Variants in SPTLC3 observed in about 807,000 individuals in gnomAD.
The protein encoded by SPTLC3 is serine palmitoyltransferase 3.
A neutral mutation model predicts 59.3 loss-of-function variants in SPTLC3; 36 were observed. The observed-to-expected ratio is 0.61, with a 90% CI of 0.47 to 0.80. The LOEUF (loss-of-function observed/expected upper bound fraction) is 0.80, where lower values mean the gene tolerates loss of function less well. SPTLC3 is among the 30% of genes least tolerant of loss of function. The pLI is 0.00. For missense variants in SPTLC3, 625 were observed against 685.1 expected, an observed-to-expected ratio of 0.91 and a Z score of 0.98; for synonymous variants, 257 against 240.8, an observed-to-expected ratio of 1.07 and a Z score of -0.62.
intron 2 of SPTLC3, among the ~76,000 whole-genome samples, chr20:13,054,798 T>C (rs1987648704): frequency 6.6e-6 from 1 of 152,178 alleles, no homozygotes; most frequent in Non-Finnish European, 1.5e-5. Flanking sequence ...CTTCAGTTTA[T>C]CTTCAGCATG....
chr20:13,009,462 T>C, intron 1 of SPTLC3, 78 bp downstream of exon 1: 2 of 1,324,492 alleles, frequency 1.5e-6, no homozygotes, highest in South Asian at 1.3e-5. Flanking sequence ...TTTGAGGCTG[T>C]CCTAACTTAG....
At chr20:13,104,398 G>A (rs968059323) in intron 6 of SPTLC3, among the ~76,000 whole-genome samples, 2 of 152,122 alleles carry the variant, frequency 1.3e-5, no homozygotes, top group African/African-American at 4.8e-5. Flanking sequence ...GTGTTATAAA[G>A]GTTTTCCCCT....
Position 13,093,707 on chromosome 20 carries a change from C to T in SPTLC3, c.826+130C>T. ...CATGAAACACAATTATGTTTATATT[C>T]ACTCCTGGCTTGTTAACCTCTGGTG... On this transcript the variant is annotated intron_variant, in intron 6 of 11. Transcript: ENST00000399002. The T allele has an allele frequency of 1.3e-5, 10 of 760,306 alleles. No homozygotes were observed. In the South Asian group the frequency reaches 1.9e-4, roughly 15 times the overall value. 47.1% of individuals were successfully genotyped at this position (760,306 alleles called of 1,614,324 possible).
rs778586668 is a variant in SPTLC3, at chr20:13,027,637, GCACGCACA to G, written c.117+18257_117+18264del. ...CTCTGTTCTTCAGTAATCTATTTCA[GCACGCACA>G]CACACACACACACACACACACACAC... On this transcript the variant is annotated intron_variant, in intron 1 of 11. Transcript: ENST00000399002. Among the ~76,000 whole-genome samples, 232 of 71,532 alleles carry G rather than the reference GCACGCACA, an allele frequency of 3.2e-3. 3 individuals are homozygous for G. Among genetic ancestry groups the G allele is most frequent in the African/African-American group, 8.3e-3 (204 of 24,670 alleles). The allele number at this position is 71,532 out of a possible 152,430, so 46.9% of individuals were successfully genotyped here. A position where few individuals can be genotyped will look rare whatever the true frequency, so the allele number is the denominator to read the frequency against.
At chr20:13,100,709 T>C (rs985788683) in intron 6 of SPTLC3, among the ~76,000 whole-genome samples, 1 of 152,236 alleles carries the variant, frequency 6.6e-6, no homozygotes, top group Admixed American at 6.5e-5. Flanking sequence ...GGTATTAAGT[T>C]CTTAGCTAAC....
chr20:13,026,980 C>T (rs192862230), intron 1 of SPTLC3, among the ~76,000 whole-genome samples: 108 of 152,218 alleles, frequency 7.1e-4, no homozygotes, highest in African/African-American at 2.3e-3. Flanking sequence ...CCTCATCCTT[C>T]GGGAAAGATA....
intron 4 of SPTLC3, among the ~76,000 whole-genome samples, chr20:13,078,384 G>C (rs1399631401): frequency 6.6e-6 from 1 of 151,350 alleles, no homozygotes; most frequent in East Asian, 1.9e-4. Context: ...TATCTTCATA[G>C]ATGCTGCTAA....
At chr20:13,012,474 C>T (rs1162369619) in intron 1 of SPTLC3, among the ~76,000 whole-genome samples, 1 of 152,108 alleles carries the variant, frequency 6.6e-6, no homozygotes, top group Non-Finnish European at 1.5e-5. Context: ...CTTATATCAA[C>T]ATTAAAATAA....
At chr20:13,044,139 A>G (rs6041801) in intron 1 of SPTLC3, among the ~76,000 whole-genome samples, 23,704 of 146,278 alleles carry the variant, frequency 0.16, 1,944 homozygotes, top group Middle Eastern at 0.22. Flanking sequence ...TTGCTCTGTC[A>G]CCCAGACTGG....
intron 2 of SPTLC3, among the ~76,000 whole-genome samples, chr20:13,065,547 C>A (rs1346365919): frequency 2.0e-5 from 3 of 151,696 alleles, no homozygotes; most frequent in African/African-American, 7.3e-5. Flanking sequence ...TTATTTAAAC[C>A]ATATGAAATT....
At chr20:13,163,900 T>C (rs924473358) in intron 11 of SPTLC3, among the ~76,000 whole-genome samples, 1 of 152,208 alleles carries the variant, frequency 6.6e-6, no homozygotes, top group Non-Finnish European at 1.5e-5. Flanking sequence ...AAATGACCTT[T>C]TTTTTATTTT....
intron 1 of SPTLC3, among the ~76,000 whole-genome samples, chr20:13,043,535 G>T: frequency 6.6e-6 from 1 of 152,150 alleles, no homozygotes; most frequent in East Asian, 1.9e-4. Context: ...AGAAGTGACT[G>T]CATCACACAT....
chr20:13,103,785 A>G (rs545245756), intron 6 of SPTLC3, among the ~76,000 whole-genome samples: 1 of 152,356 alleles, frequency 6.6e-6, no homozygotes, highest in East Asian at 1.9e-4. Context: ...CCACAGCTGC[A>G]CAAGAGAAGA....
chr20:13,150,230 G>T (rs140456084), intron 9 of SPTLC3, among the ~76,000 whole-genome samples: 1 of 152,030 alleles, frequency 6.6e-6, no homozygotes, highest in Non-Finnish European at 1.5e-5. Context: ...CTTAAGTAAG[G>T]CAAATATTCT....
At chr20:13,153,964 T>C (rs2122961715) in intron 9 of SPTLC3, 39 bp from the exon 10 acceptor site, 1 of 1,607,596 alleles carries the variant, frequency 6.2e-7, no homozygotes, top group African/African-American at 1.3e-5. Flanking sequence ...TCCCTCTTTC[T>C]AGTGGGAATT....
chr20:13,098,766 T>C (rs1989506826), intron 6 of SPTLC3, among the ~76,000 whole-genome samples: 1 of 152,170 alleles, frequency 6.6e-6, no homozygotes, highest in Non-Finnish European at 1.5e-5. Context: ...CTGTGAAGAA[T>C]TCCATGAGGT....
chr20:13,036,294 C>T (rs1352855025), intron 1 of SPTLC3, among the ~76,000 whole-genome samples: 7 of 151,814 alleles, frequency 4.6e-5, no homozygotes, highest in Admixed American at 3.3e-4. Flanking sequence ...CCTTCCTTTC[C>T]ACCTCATCCA....
At chr20:13,158,408 C>T (rs1487447083) in intron 10 of SPTLC3, among the ~76,000 whole-genome samples, 1 of 152,118 alleles carries the variant, frequency 6.6e-6, no homozygotes, top group African/African-American at 2.4e-5. Context: ...ATATATTTTG[C>T]CCTGCATTCT....
At chr20:13,046,969 A>T (rs1415568615) in intron 1 of SPTLC3, among the ~76,000 whole-genome samples, 3 of 152,206 alleles carry the variant, frequency 2.0e-5, no homozygotes, top group Non-Finnish European at 4.4e-5. Context: ...GGGATGACAC[A>T]CTAGACAGGA....
Sources: allele counts gnomAD v4.1 joint callset (sites outside exome capture counted in the v4.1 genomes callset), GRCh38; gene constraint gnomAD v4.1.1; transcripts MANE v1.5; gene names NCBI Gene and HGNC (gene_info 2026-07-23, HGNC 2026-07-21).